Variants in RXFP2 observed in about 807,000 individuals in gnomAD.
The protein encoded by RXFP2 is relaxin family peptide receptor 2.
In RXFP2, 68 loss-of-function variants were observed where a neutral mutation model predicts 88.6. The ratio of observed to expected loss-of-function variants is 0.77; its 90% confidence interval spans 0.63 to 0.94. The LOEUF is 0.94. Ranked by LOEUF, RXFP2 falls within the 40% of genes least tolerant of loss-of-function variation. RXFP2 has a pLI of 0.00. For synonymous variants in RXFP2, 329 were observed against 306.8 expected, an observed-to-expected ratio of 1.07 and a Z score of -0.76; for missense variants, 791 against 893.9, an observed-to-expected ratio of 0.88 and a Z score of 1.47.
At chr13:31,755,463 G>A (rs1871902861) in intron 1 of RXFP2, among the ~76,000 whole-genome samples, 1 of 152,018 alleles carries the variant, frequency 6.6e-6, no homozygotes, top group African/African-American at 2.4e-5. Flanking sequence ...GTGTAGGTGT[G>A]TGTTGGGAGC....
intron 9 of RXFP2, among the ~76,000 whole-genome samples, chr13:31,778,979 C>T (rs1442858699): frequency 2.6e-5 from 4 of 152,160 alleles, no homozygotes; most frequent in Non-Finnish European, 5.9e-5. Flanking sequence ...TCCAGGAGGT[C>T]ATTCCTGACA....
Position 31,799,601 on chromosome 13 carries a change from C to T in RXFP2, c.2005+2182C>T, listed in dbSNP as rs575408481. 7.2e-5 allele frequency among the ~76,000 whole-genome samples: 11 copies of T among 152,244 alleles called. No homozygotes were observed. The South Asian group carries it at 1.7e-3, about 23-fold the overall frequency. On this transcript the variant is annotated intron_variant, in intron 17 of 17. Transcript: ENST00000298386. ...AAGAAGGACCCAGCAACAAGTAAGG[C>T]GGAGGTCCTGGGTTCCTCTCCTGCC... is the stretch of plus-strand genomic sequence containing the variant.
intron 1 of RXFP2, among the ~76,000 whole-genome samples, chr13:31,757,889 T>G (rs113342684): frequency 0.039 from 5,973 of 152,198 alleles, 330 homozygotes; most frequent in African/African-American, 0.12. Flanking sequence ...GTCAGGAGTT[T>G]GAGACCAGCC....
At position 31,774,640 on chromosome 13, in the gene RXFP2, T is replaced by C; in HGVS notation, c.518T>C (p.Ile173Thr). 6.4e-7 allele frequency: 1 copy of C among 1,556,220 alleles called. No homozygotes were observed. The highest frequency in any genetic ancestry group is 8.9e-7 in the Non-Finnish European group (1 of 1,127,410). Residue 173 changes from isoleucine to threonine, a missense_variant, in exon 6 of 18, where the codon ATT (isoleucine) becomes ACT (threonine). Transcript: ENST00000298386. ...LKKIFLQHNCIRHISRKAFFG... is the reference protein window; with the variant it reads ...LKKIFLQHNCTRHISRKAFFG... The stretch of plus-strand genomic sequence containing the variant: ...ACCAGATTTCTTCAGCATAATTGCA[T>C]TAGACACATATCCAGGAAAGCATTT...
chr13:31,756,076 C>CCTCCCTAATGACATCA (rs147635116), intron 1 of RXFP2, among the ~76,000 whole-genome samples: 27,779 of 152,070 alleles, frequency 0.18, 2,476 homozygotes, highest in East Asian at 0.24. Flanking sequence ...ATCTACTCAT[C>CCTCCCTAATGACATCA]CTAAAAGCTT....
intron 16 of RXFP2, among the ~76,000 whole-genome samples, chr13:31,795,252 T>A (rs1873974847): frequency 6.6e-6 from 1 of 151,594 alleles, no homozygotes; most frequent in African/African-American, 2.4e-5. Context: ...CAGGTTCAAG[T>A]GATTATTTCG....
Position 31,792,939 on chromosome 13 carries a change from G to A in RXFP2, c.1637G>A (p.Trp546Ter), listed in dbSNP as rs1315823375. The change falls in exon 16 of 18, where the codon TGG becomes TAG. Residue 546 changes from tryptophan (W) to a stop codon, truncating the protein, a stop_gained. Transcript: ENST00000298386. LOFTEE classifies it high-confidence loss of function. The stretch of plus-strand genomic sequence containing the variant: ...ACCTCAGTCATCCTCATTTGCATCT[G>A]GATGGCGGGATTTTTAATAGCTGTA... The part of the protein sequence containing the change: ...RQTSVILICI[W>*]MAGFLIAVIP... The A allele has an allele frequency of 6.2e-7, 1 of 1,614,064 alleles. No individual in the cohort carries two copies. The highest frequency in any genetic ancestry group is 8.5e-7 in the Non-Finnish European group (1 of 1,180,026).
intron 5 of RXFP2, among the ~76,000 whole-genome samples, chr13:31,769,191 G>A (rs1271271101): frequency 3.9e-5 from 6 of 152,130 alleles, no homozygotes; most frequent in Admixed American, 3.9e-4. Flanking sequence ...TATATAATTT[G>A]TTAGGTGGTG....
At chr13:31,794,404 A>ACACACACACC (rs1555286039) in intron 16 of RXFP2, among the ~76,000 whole-genome samples, 3 of 114,314 alleles carry the variant, frequency 2.6e-5, no homozygotes, top group African/African-American at 9.2e-5. Context: ...ACACACACAC[A>ACACACACACC]CACACCATGA....
chr13:31,760,073 GTTGTTTGTTTGTTTGT>G (rs141810581), intron 2 of RXFP2, among the ~76,000 whole-genome samples: 4 of 150,558 alleles, frequency 2.7e-5, no homozygotes, highest in African/African-American at 9.9e-5. Flanking sequence ...CAGTGTTGTT[GTTGTTTGTTTGTTTGT>G]TTGTTTGTTT....
chr13:31,749,976 G>C lies in RXFP2; in HGVS notation c.95-8282G>C, dbSNP rs188630017. Among the ~76,000 whole-genome samples the C allele has an allele frequency of 3.6e-3, 553 of 152,258 alleles. 3 individuals are homozygous for C. Among genetic ancestry groups the C allele is most frequent in the African/African-American group, 0.013 (539 of 41,564 alleles). ...CAAAACCTCACTCATATGCTGTGGGGTTTTATAGATAACTACACTTAATTA... is the reference window on the plus strand; with the variant it reads ...CAAAACCTCACTCATATGCTGTGGGCTTTTATAGATAACTACACTTAATTA... On this transcript the variant is annotated intron_variant, in intron 1 of 17. Coordinates refer to ENST00000298386, the MANE Select transcript of RXFP2 (RefSeq NM_130806.5).
intron 16 of RXFP2, among the ~76,000 whole-genome samples, chr13:31,794,018 T>C (rs958351662): frequency 3.3e-5 from 5 of 152,162 alleles, no homozygotes; most frequent in Admixed American, 6.5e-5. Flanking sequence ...ATTCTCTGAC[T>C]ATCAAAAGGA....
rs548785603 is a variant in RXFP2 at position 31,785,310 on chromosome 13, C to T, written c.930-1073C>T. On this transcript the variant is annotated intron_variant, in intron 11 of 17. Transcript: ENST00000298386. ...TCTCCATGACGTCCTCTACCTCTCCCTACATCTTGCATCCTCCACCCATGT... is the reference window on the plus strand; with the variant it reads ...TCTCCATGACGTCCTCTACCTCTCCTTACATCTTGCATCCTCCACCCATGT... Among the ~76,000 whole-genome samples the T allele has an allele frequency of 2.0e-5, 3 of 152,206 alleles. No individual in the cohort carries two copies. In the South Asian group the frequency reaches 6.2e-4, roughly 32 times the overall value.
chr13:31,746,083 T>C (rs550813938), intron 1 of RXFP2, among the ~76,000 whole-genome samples: 8 of 152,172 alleles, frequency 5.3e-5, no homozygotes, highest in Non-Finnish European at 1.2e-4. Context: ...AATTATCGAG[T>C]TTCCAAGAAC....
intron 8 of RXFP2, 91 bp downstream of exon 8, chr13:31,777,538 G>A: frequency 1.0e-6 from 1 of 993,018 alleles, no homozygotes; most frequent in South Asian, 1.4e-5. Context: ...AAAAAATCAA[G>A]CCCACAAAAA....
At chr13:31,756,648 G>C (rs537216434) in intron 1 of RXFP2, among the ~76,000 whole-genome samples, 39 of 142,046 alleles carry the variant, frequency 2.7e-4, no homozygotes, top group African/African-American at 9.8e-4. Flanking sequence ...TTGAGACTGA[G>C]TCAAGCTCTG....
intron 3 of RXFP2, among the ~76,000 whole-genome samples, chr13:31,763,292 C>T (rs1872389872): frequency 6.6e-6 from 1 of 151,976 alleles, no homozygotes; most frequent in Admixed American, 6.6e-5. Context: ...ACCATGTTGC[C>T]CAGGCTGGTC....
At chr13:31,750,282 T>A (rs1484628374) in intron 1 of RXFP2, among the ~76,000 whole-genome samples, 1 of 152,148 alleles carries the variant, frequency 6.6e-6, no homozygotes, top group Non-Finnish European at 1.5e-5. Flanking sequence ...TGAAAGACAA[T>A]CTTTTCAAAG....
chr13:31,739,654 A>G lies in RXFP2; in HGVS notation c.42A>G (p.Arg14=). 6.2e-7 allele frequency: 1 copy of G among 1,609,926 alleles called. No individual in the cohort carries two copies. Among genetic ancestry groups the G allele is most frequent in the Non-Finnish European group, 8.5e-7 (1 of 1,176,210 alleles). The change falls in exon 1 of 18, where the codon AGA becomes AGG. Residue 14 remains arginine, a synonymous_variant. Transcript: ENST00000298386. ...FLVFKHLFSL[R]LITMFFLLHF... ...TTTTTAAACATCTCTTCAGCCTCAG[A>G]TTGATTACAATGTTCTTTCTACTTC... is the stretch of plus-strand genomic sequence containing the variant.
Sources: allele counts gnomAD v4.1 joint callset (sites outside exome capture counted in the v4.1 genomes callset), GRCh38; gene constraint gnomAD v4.1.1; transcripts MANE v1.5; gene names NCBI Gene and HGNC (gene_info 2026-07-23, HGNC 2026-07-21).